Variants in OTUD7A observed in about 807,000 individuals in gnomAD.
The protein encoded by OTUD7A is OTU domain-containing protein 7A.
In OTUD7A, 12 loss-of-function variants were observed where a neutral mutation model predicts 65.7. That is an observed-to-expected ratio of 0.18 (90% CI 0.12 to 0.30). OTUD7A has a LOEUF of 0.30. OTUD7A is among the 10% of genes least tolerant of loss of function. The pLI is 1.00. For synonymous variants in OTUD7A, 641 were observed against 586.3 expected, an observed-to-expected ratio of 1.09 and a Z score of -1.35; for missense variants, 1,148 against 1,304.8, an observed-to-expected ratio of 0.88 and a Z score of 1.85.
At chr15:31,769,948 A>G (rs1173045384) in intron 1 of OTUD7A, among the ~76,000 whole-genome samples, 3 of 152,216 alleles carry the variant, frequency 2.0e-5, no homozygotes, top group Non-Finnish European at 2.9e-5. Flanking sequence ...CAAAAAGTCA[A>G]TTTTGCGGTA....
intron 3 of OTUD7A, among the ~76,000 whole-genome samples, chr15:31,585,008 C>A (rs7166647): frequency 1.3e-5 from 2 of 152,158 alleles, no homozygotes; most frequent in African/African-American, 4.8e-5. Flanking sequence ...GGCAAATGAA[C>A]AAAACTCAAG....
At chr15:31,566,587 A>C (rs1347150862) in intron 4 of OTUD7A, among the ~76,000 whole-genome samples, 1 of 152,202 alleles carries the variant, frequency 6.6e-6, no homozygotes, top group Non-Finnish European at 1.5e-5. Flanking sequence ...TGTAGTTTGA[A>C]TATTTGTCTC....
chr15:31,594,407 C>T (rs1889842992), intron 3 of OTUD7A, among the ~76,000 whole-genome samples: 1 of 152,194 alleles, frequency 6.6e-6, no homozygotes, highest in Admixed American at 6.5e-5. Flanking sequence ...TAATTTGTCA[C>T]TTCTAAAGAA....
At chr15:31,856,177 C>T (rs1452054901) in intron 1 of OTUD7A, among the ~76,000 whole-genome samples, 1 of 152,158 alleles carries the variant, frequency 6.6e-6, no homozygotes, top group Non-Finnish European at 1.5e-5. Flanking sequence ...GTTAAAATAG[C>T]ATGTATTGTA....
intron 1 of OTUD7A, among the ~76,000 whole-genome samples, chr15:31,797,192 C>T (rs73380537): frequency 2.6e-4 from 40 of 152,250 alleles, no homozygotes; most frequent in South Asian, 1.0e-3. Flanking sequence ...TGGGAGCCCG[C>T]GCTGCCTCTG....
intron 1 of OTUD7A, among the ~76,000 whole-genome samples, chr15:31,667,723 CTT>C (rs1184066231): frequency 6.6e-6 from 1 of 152,020 alleles, no homozygotes; most frequent in African/African-American, 2.4e-5. Context: ...TGCTTTTTAA[CTT>C]GTATTTTTGT....
At chr15:31,583,300 A>G (rs576943664) in intron 3 of OTUD7A, among the ~76,000 whole-genome samples, 1 of 152,348 alleles carries the variant, frequency 6.6e-6, no homozygotes, top group Admixed American at 6.5e-5. Context: ...CTATGGATGC[A>G]GTTGCACAGA....
chr15:31,672,148 C>T (rs757664490), intron 1 of OTUD7A, among the ~76,000 whole-genome samples: 1 of 152,154 alleles, frequency 6.6e-6, no homozygotes, highest in Admixed American at 6.5e-5. Flanking sequence ...TTGAAAGTTT[C>T]ACTTTATTTT....
At chr15:31,787,021 G>A (rs764212714) in intron 1 of OTUD7A, among the ~76,000 whole-genome samples, 1 of 152,176 alleles carries the variant, frequency 6.6e-6, no homozygotes, top group Admixed American at 6.5e-5. Context: ...ACACTGAAAG[G>A]GGACTAGTCA....
At chr15:31,521,446 G>A (rs2041936801) in intron 8 of OTUD7A, among the ~76,000 whole-genome samples, 1 of 152,066 alleles carries the variant, frequency 6.6e-6, no homozygotes, top group African/African-American at 2.4e-5. Context: ...TGCAAAGTGA[G>A]GACACCTTAC....
chr15:31,741,368 T>C (rs1283260372), intron 1 of OTUD7A, among the ~76,000 whole-genome samples: 1 of 152,212 alleles, frequency 6.6e-6, no homozygotes, highest in Non-Finnish European at 1.5e-5. Flanking sequence ...CTAGCGTACA[T>C]GTGCACAATG....
At chr15:31,590,059 A>G (rs1033125743) in intron 3 of OTUD7A, among the ~76,000 whole-genome samples, 2 of 152,212 alleles carry the variant, frequency 1.3e-5, no homozygotes, top group Middle Eastern at 6.3e-3. Context: ...AATTCCGTCA[A>G]TGACAGACCA....
intron 10 of OTUD7A, among the ~76,000 whole-genome samples, chr15:31,490,532 G>A (rs28571821): frequency 0.26 from 39,621 of 152,076 alleles, 5,188 homozygotes; most frequent in Non-Finnish European, 0.29. Flanking sequence ...CAGGGAAACC[G>A]ACTTATCCAA....
intron 1 of OTUD7A, among the ~76,000 whole-genome samples, chr15:31,687,344 G>A (rs1892861913): frequency 2.0e-5 from 3 of 152,214 alleles, no homozygotes; most frequent in African/African-American, 7.2e-5. Context: ...CAGGGACACA[G>A]AGCGTGGGGC....
chr15:31,840,404 C>A (rs1031856714), intron 1 of OTUD7A, among the ~76,000 whole-genome samples: 1 of 151,910 alleles, frequency 6.6e-6, no homozygotes, highest in Admixed American at 6.6e-5. Context: ...CACCACTGCA[C>A]TCCAGCCTGG....
At chr15:31,610,615 A>ATTTTTTTTTTTTTTTT (rs1336235314) in intron 3 of OTUD7A, among the ~76,000 whole-genome samples, 6 of 32,826 alleles carry the variant, frequency 1.8e-4, no homozygotes, top group Admixed American at 5.5e-4. Flanking sequence ...ATATATATAT[A>ATTTTTTTTTTTTTTTT]TATTTTTTTT....
chr15:31,498,969 G>C lies in OTUD7A; in HGVS notation c.1171+2721C>G, dbSNP rs2041424936. Among the ~76,000 whole-genome samples, 1 of 152,190 alleles carries C rather than the reference G, an allele frequency of 6.6e-6. No homozygotes were observed. Among genetic ancestry groups the C allele is most frequent in the African/African-American group, 2.4e-5 (1 of 41,444 alleles). On this transcript the variant is annotated intron_variant, in intron 10 of 12. Transcript: ENST00000307050. This position sits in a 1 kb window ranked among gnomAD's most constrained non-coding sequence, Gnocchi z 4.2. Reference sequence around the variant, plus strand: ...TTCCTGAACTTGAAGATGGTCAGTGGCGGCATCAGCAGTAGCCGGGCCACG... The same window carrying C: ...TTCCTGAACTTGAAGATGGTCAGTGCCGGCATCAGCAGTAGCCGGGCCACG...
At chr15:31,844,942 C>G (rs2140998120) in intron 1 of OTUD7A, among the ~76,000 whole-genome samples, 1 of 152,288 alleles carries the variant, frequency 6.6e-6, no homozygotes, top group African/African-American at 2.4e-5. Flanking sequence ...ACATGGCTAC[C>G]ACTGGCAGAG....
At chr15:31,588,460 AG>A (rs1187057675) in intron 3 of OTUD7A, among the ~76,000 whole-genome samples, 3 of 152,230 alleles carry the variant, frequency 2.0e-5, no homozygotes, top group African/African-American at 7.2e-5. Flanking sequence ...AGAAACACAA[AG>A]GGATTTCAAA....
Sources: allele counts gnomAD v4.1 joint callset (sites outside exome capture counted in the v4.1 genomes callset), GRCh38; gene constraint gnomAD v4.1.1; non-coding constraint Gnocchi (gnomAD v3.1); transcripts MANE v1.5; gene names NCBI Gene and HGNC (gene_info 2026-07-23, HGNC 2026-07-21).